The following BICC1 variants were observed in gnomAD, a reference collection of about 807,000 sequenced individuals.
BICC1 encodes BicC family RNA binding protein 1, also known as protein bicaudal C homolog 1.
A neutral mutation model predicts 111.0 loss-of-function variants in BICC1; 43 were observed. That is an observed-to-expected ratio of 0.39 (90% confidence interval 0.30 to 0.50). The LOEUF (loss-of-function observed/expected upper bound fraction) is 0.50, where lower values mean the gene tolerates loss of function less well. Ranked by LOEUF, BICC1 falls within the 20% of genes least tolerant of loss-of-function variation. The pLI is 0.88. For synonymous variants in BICC1, 467 were observed against 434.4 expected, an observed-to-expected ratio of 1.07 and a Z score of -0.93; for missense variants, 1,091 against 1,203.2, an observed-to-expected ratio of 0.91 and a Z score of 1.38.
chr10:58,744,387 A>G (rs1841765107), intron 3 of BICC1, among the ~76,000 whole-genome samples: 1 of 152,050 alleles, frequency 6.6e-6, no homozygotes, highest in Admixed American at 6.6e-5. Context: ...TTTATTGTTA[A>G]GCTAATACTT....
intron 3 of BICC1, among the ~76,000 whole-genome samples, chr10:58,713,132 A>G (rs1288580593): frequency 2.6e-5 from 4 of 152,226 alleles, no homozygotes; most frequent in African/African-American, 7.2e-5. Context: ...AAAGTGAGGA[A>G]AATGCCTAAA....
chr10:58,801,567 G>A (rs1416474573), intron 14 of BICC1, among the ~76,000 whole-genome samples: 1 of 149,666 alleles, frequency 6.7e-6, no homozygotes, highest in Non-Finnish European at 1.5e-5. Context: ...CCTTACCATA[G>A]CACAGTTAAA....
At chr10:58,675,092 T>G (rs1229487827) in intron 2 of BICC1, among the ~76,000 whole-genome samples, 1 of 152,064 alleles carries the variant, frequency 6.6e-6, no homozygotes, top group African/African-American at 2.4e-5. Flanking sequence ...GGACATGGTT[T>G]TGGAGAGGGA....
At chr10:58,765,984 T>C (rs1394123439) in intron 3 of BICC1, among the ~76,000 whole-genome samples, 3 of 152,214 alleles carry the variant, frequency 2.0e-5, no homozygotes, top group Admixed American at 2.0e-4. Context: ...CAAGGGCACA[T>C]GAAATCTTTC....
At chr10:58,766,415 T>C (rs918720920) in intron 3 of BICC1, among the ~76,000 whole-genome samples, 2 of 152,136 alleles carry the variant, frequency 1.3e-5, no homozygotes, top group African/African-American at 4.8e-5. Flanking sequence ...GGGAGAGTAA[T>C]TAGGGGGCGG....
intron 3 of BICC1, among the ~76,000 whole-genome samples, chr10:58,772,872 A>G (rs1664581619): frequency 6.6e-6 from 1 of 152,242 alleles, no homozygotes; most frequent in African/African-American, 2.4e-5. Context: ...GGAACATACA[A>G]ATAAATGCCT....
rs544535144 is a variant in BICC1, at chr10:58,716,879, G to A, written c.307+14736G>A. 1.3e-3 allele frequency among the ~76,000 whole-genome samples: 197 copies of A among 151,380 alleles called. 1 individual carries two copies. The highest frequency in any genetic ancestry group is 2.5e-3 in the Non-Finnish European group (167 of 68,014). On this transcript the variant is annotated intron_variant, in intron 3 of 20. Transcript: ENST00000373886. ...ACACAGTAGCCATACTTCACGGGGAGGTCAGAGCTGGCTACCAGCAGTCTT... is the reference window on the plus strand; with the variant it reads ...ACACAGTAGCCATACTTCACGGGGAAGTCAGAGCTGGCTACCAGCAGTCTT...
chr10:58,793,742 T>TC, intron 9 of BICC1, 127 bp downstream of exon 9: 1 of 978,236 alleles, frequency 1.0e-6, no homozygotes, highest in Non-Finnish European at 1.5e-6. Context: ...ATATCCCCAA[T>TC]CCGGAATGCT....
At chr10:58,607,089 G>A (rs1357688084) in intron 1 of BICC1, among the ~76,000 whole-genome samples, 1 of 152,080 alleles carries the variant, frequency 6.6e-6, no homozygotes, top group Non-Finnish European at 1.5e-5. Context: ...GGCCGAGGTG[G>A]GTGGATCAGC....
intron 1 of BICC1, among the ~76,000 whole-genome samples, chr10:58,521,790 T>G (rs866389009): frequency 0.53 from 68,528 of 130,232 alleles, 19,127 homozygotes; most frequent in African/African-American, 0.66. Flanking sequence ...TTTTTTTTTT[T>G]TTTTTTTTTT....
rs776782597 is a variant in BICC1 at position 58,831,360 on chromosome 10, A to G, written c.*2469A>G. 8 of 152,156 alleles carry G rather than the reference A, an allele frequency of 5.3e-5. No homozygotes were observed. Among genetic ancestry groups the G allele is most frequent in the Non-Finnish European group, 1.2e-4 (8 of 68,020 alleles). 9.4% of individuals were successfully genotyped at this position (152,156 alleles called of 1,614,324 possible). A position where few individuals can be genotyped will look rare whatever the true frequency, so the allele number is the denominator to read the frequency against. On this transcript the variant is annotated 3_prime_UTR_variant, in exon 21 of 21. Coordinates refer to ENST00000373886, the MANE Select transcript of BICC1 (RefSeq NM_001080512.3). ...ACGAGAGATGGAATTAACATTGAAA[A>G]TGGGAAATTTTTCTAACTGAATCAA...
At chr10:58,613,479 A>G (rs758954707) in intron 1 of BICC1, among the ~76,000 whole-genome samples, 1 of 152,174 alleles carries the variant, frequency 6.6e-6, no homozygotes, top group South Asian at 2.1e-4. Context: ...GGTTTGGCTC[A>G]TTTCACAGGC....
At chr10:58,555,928 TTAGA>T (rs1843438132) in intron 1 of BICC1, among the ~76,000 whole-genome samples, 1 of 152,302 alleles carries the variant, frequency 6.6e-6, no homozygotes, top group South Asian at 2.1e-4. Context: ...TCATTCCCAG[TTAGA>T]TAGTGTTTGA....
At chr10:58,712,165 G>T (rs1032859197) in intron 3 of BICC1, among the ~76,000 whole-genome samples, 1 of 152,096 alleles carries the variant, frequency 6.6e-6, no homozygotes, top group Non-Finnish European at 1.5e-5. Flanking sequence ...CTACCTACCT[G>T]TTAGAATGGT....
Position 58,601,140 on chromosome 10 carries a change from T to TTATA in BICC1, c.191-19687_191-19684dup, listed in dbSNP as rs71033690. ...ACTTTTTAGGCAGTCATTTTAAAAC[T>TTATA]TATATATATATATATATATATATAT... On this transcript the variant is annotated intron_variant, in intron 1 of 20. Coordinates refer to ENST00000373886, the MANE Select transcript of BICC1 (RefSeq NM_001080512.3). Among the ~76,000 whole-genome samples, 155 of 100,654 alleles carry TTATA rather than the reference T, an allele frequency of 1.5e-3. 2 individuals carry two copies. The highest frequency in any genetic ancestry group is 3.8e-3 in the African/African-American group (105 of 27,332). 66.0% of individuals were successfully genotyped at this position (100,654 alleles called of 152,430 possible).
chr10:58,768,252 C>A (rs530605281), intron 3 of BICC1, among the ~76,000 whole-genome samples: 157 of 152,270 alleles, frequency 1.0e-3, no homozygotes, highest in African/African-American at 3.6e-3. Flanking sequence ...ATAAGACTAT[C>A]AGTTGACTTC....
chr10:58,789,073 G>A lies in BICC1; in HGVS notation c.601-189G>A, dbSNP rs7087592. ...ACCACTGCATGCCAGCCTGGGTGAC[G>A]GAGCAAGACTCTGACTCAAAAAACA... On this transcript the variant is annotated intron_variant, in intron 6 of 20. Transcript: ENST00000373886. Among the ~76,000 whole-genome samples, 76,538 of 151,550 alleles carry A rather than the reference G, an allele frequency of 0.51. 19,533 individuals are homozygous for A. Among genetic ancestry groups the A allele is most frequent in the Admixed American group, 0.59 (8,942 of 15,202 alleles).
At position 58,803,088 on chromosome 10, in the gene BICC1, G is replaced by A. The variant is rs1306639852; in HGVS notation, c.2027G>A (p.Arg676Lys). ...TKNSHLHSTD[R>K]LLSDPELSAT... The stretch of plus-strand genomic sequence containing the variant: ...CTCTTATTTCACAGCAGCACTGACA[G>A]GTTGCTCTCAGACCCTGAACTGAGT... Residue 676 changes from arginine to lysine, a missense_variant, in exon 15 of 21, where the codon AGG (arginine) becomes AAG (lysine). Around this residue, in one of 3 missense-constraint regions of BICC1, gnomAD observed 843 missense variants for 900.8 expected, o/e 0.94. Coordinates refer to ENST00000373886, the MANE Select transcript of BICC1 (RefSeq NM_001080512.3). 3 of 1,599,432 alleles carry A rather than the reference G, an allele frequency of 1.9e-6. No individual in the cohort carries two copies. The South Asian group carries it at 3.4e-5, about 18-fold the overall frequency.
intron 1 of BICC1, among the ~76,000 whole-genome samples, chr10:58,561,032 G>A (rs1469273121): frequency 6.6e-6 from 1 of 151,976 alleles, no homozygotes; most frequent in Non-Finnish European, 1.5e-5. Context: ...TTCTGTAAAT[G>A]TCTGTCAGGT....
Sources: allele counts gnomAD v4.1 joint callset (sites outside exome capture counted in the v4.1 genomes callset), GRCh38; gene constraint gnomAD v4.1.1; regional missense constraint gnomAD v4.1.1; transcripts MANE v1.5; gene names NCBI Gene and HGNC (gene_info 2026-07-23, HGNC 2026-07-21).